The following CTNNAL1 variants were observed in gnomAD, a reference collection of about 807,000 sequenced individuals.
CTNNAL1 encodes alpha-catulin.
CTNNAL1 carries 69 observed loss-of-function variants against 93.6 expected under a neutral mutation model. That is an observed-to-expected ratio of 0.74 (90% CI 0.61 to 0.90). The LOEUF is 0.90. CTNNAL1 is among the 40% of genes least tolerant of loss of function. CTNNAL1 has a pLI of 0.00. For synonymous variants in CTNNAL1, 286 were observed against 305.4 expected, an observed-to-expected ratio of 0.94 and a Z score of 0.66; for missense variants, 836 against 862.0, an observed-to-expected ratio of 0.97 and a Z score of 0.38.
chr9:108,971,956 C>T lies in CTNNAL1; in HGVS notation c.1347+719G>A, dbSNP rs535008410. The stretch of plus-strand genomic sequence containing the variant: ...TGCTCTCCTCCCTTCTCACATCTGC[C>T]TTTTGCCCTGGGAGACTGACTTATA... On this transcript the variant is annotated intron_variant, in intron 9 of 18. Coordinates refer to ENST00000325551, the MANE Select transcript of CTNNAL1 (RefSeq NM_003798.4). Among the ~76,000 whole-genome samples, 103 of 152,246 alleles carry T rather than the reference C, an allele frequency of 6.8e-4. 3 individuals carry two copies. In the South Asian group the frequency reaches 0.021, roughly 31 times the overall value.
intron 12 of CTNNAL1, among the ~76,000 whole-genome samples, chr9:108,954,755 A>G (rs1049752982): frequency 2.0e-5 from 3 of 152,194 alleles, no homozygotes; most frequent in African/African-American, 7.2e-5. Context: ...TCCCTTTTCA[A>G]AAAGTACACT....
intron 2 of CTNNAL1, 139 bp downstream of exon 2, chr9:108,998,928 G>T: frequency 2.0e-6 from 2 of 994,888 alleles, no homozygotes; most frequent in Non-Finnish European, 2.8e-6. Context: ...ATTCGCGGAA[G>T]CTAATCCAGG....
intron 1 of CTNNAL1, among the ~76,000 whole-genome samples, chr9:109,005,592 T>C (rs1300769841): frequency 6.6e-6 from 1 of 152,174 alleles, no homozygotes; most frequent in East Asian, 1.9e-4. Context: ...AACCAGAATG[T>C]GGACCCTCAC....
In CTNNAL1 at chr9:108,965,365, G is replaced by C; in HGVS notation, c.1591+13C>G. 2 of 1,407,960 alleles carry C rather than the reference G, an allele frequency of 1.4e-6. No homozygotes were observed. Among genetic ancestry groups the C allele is most frequent in the Non-Finnish European group, 1.9e-6 (2 of 1,069,896 alleles). The allele number at this position is 1,407,960 out of a possible 1,614,324, so 87.2% of individuals were successfully genotyped here. A position where few individuals can be genotyped will look rare whatever the true frequency, so the allele number is the denominator to read the frequency against. On this transcript the variant is annotated intron_variant, in intron 11 of 18. Transcript: ENST00000325551. ...AAATAATAACATATTTCATTATGTGGACAGTTTCTCACCTCGTCTTCCTTC... is the reference window on the plus strand; with the variant it reads ...AAATAATAACATATTTCATTATGTGCACAGTTTCTCACCTCGTCTTCCTTC...
intron 8 of CTNNAL1, among the ~76,000 whole-genome samples, chr9:108,976,054 G>C (rs531322571): frequency 6.6e-6 from 1 of 152,312 alleles, no homozygotes; most frequent in East Asian, 1.9e-4. Context: ...TAAAGATACT[G>C]TTCAGTGAGT....
chr9:108,968,713 T>C (rs1831025730), intron 10 of CTNNAL1, among the ~76,000 whole-genome samples: 2 of 152,140 alleles, frequency 1.3e-5, no homozygotes. Context: ...CAGGAGAGCA[T>C]GAGATCATCC....
At chr9:108,959,349 A>G (rs1490563681) in intron 11 of CTNNAL1, among the ~76,000 whole-genome samples, 3 of 131,072 alleles carry the variant, frequency 2.3e-5, no homozygotes, top group Non-Finnish European at 4.7e-5. Flanking sequence ...TGGGTGACAG[A>G]GCGAGACTCC....
At chr9:108,995,098 T>C (rs929396026) in intron 2 of CTNNAL1, among the ~76,000 whole-genome samples, 18 of 152,144 alleles carry the variant, frequency 1.2e-4, no homozygotes, top group African/African-American at 4.1e-4. Context: ...AAAACTGACA[T>C]AGTAAATGTT....
At chr9:108,961,978 G>C (rs1395433031) in intron 11 of CTNNAL1, among the ~76,000 whole-genome samples, 1 of 152,200 alleles carries the variant, frequency 6.6e-6, no homozygotes, top group African/African-American at 2.4e-5. Context: ...ATTTTTCACA[G>C]AATTGGTTCA....
At chr9:109,010,403 T>G (rs1287641856) in intron 1 of CTNNAL1, among the ~76,000 whole-genome samples, 4 of 152,208 alleles carry the variant, frequency 2.6e-5, no homozygotes, top group Non-Finnish European at 2.9e-5. Context: ...CATATTACAC[T>G]GGCTAGAATT....
chr9:109,000,375 C>G (rs1826757907), intron 1 of CTNNAL1, among the ~76,000 whole-genome samples: 1 of 152,176 alleles, frequency 6.6e-6, no homozygotes, highest in South Asian at 2.1e-4. Flanking sequence ...TGCACACTAT[C>G]ATATCCCAAA....
At chr9:109,003,297 A>T (rs1251733815) in intron 1 of CTNNAL1, among the ~76,000 whole-genome samples, 3 of 152,248 alleles carry the variant, frequency 2.0e-5, no homozygotes, top group African/African-American at 7.2e-5. Flanking sequence ...GAATGAATTC[A>T]ATATGACTCA....
chr9:108,942,826 C>T lies in CTNNAL1; in HGVS notation c.2148G>A (p.Met716Ile), dbSNP rs1830282715. 7 of 1,613,626 alleles carry T rather than the reference C, an allele frequency of 4.3e-6. No homozygotes were observed. The highest frequency in any genetic ancestry group is 5.9e-6 in the Non-Finnish European group (7 of 1,179,826). ...LCYKLLKKLQ[M>I]ENNGWVSVTN... The stretch of plus-strand genomic sequence containing the variant: ...TAACTGAGACCCATCCGTTATTTTC[C>T]ATCTGAAGCTGGAAAGAGTTAAGAC... The change falls in exon 19 of 19, where the codon ATG becomes ATA. Residue 716 changes from methionine to isoleucine, a missense_variant. By Grantham distance (10) the Met-to-Ile change is conservative (BLOSUM62 1). Transcript: ENST00000325551.
rs147019483 is a variant in CTNNAL1, at chr9:108,945,076, T to G, written c.1885-1058A>C. ...AAACCCCTTGGGGACAAAATCCATG[T>G]CTGTCTCATACAGTATGATGGTTTT... is the stretch of plus-strand genomic sequence containing the variant. On this transcript the variant is annotated intron_variant, in intron 15 of 18. Transcript: ENST00000325551. Among the ~76,000 whole-genome samples, 3 of 152,348 alleles carry G rather than the reference T, an allele frequency of 2.0e-5. No individual in the cohort carries two copies. The East Asian group carries it at 5.8e-4, about 29-fold the overall frequency.
intron 14 of CTNNAL1, among the ~76,000 whole-genome samples, chr9:108,948,979 C>T (rs1830480773): frequency 6.6e-6 from 1 of 151,594 alleles, no homozygotes; most frequent in African/African-American, 2.4e-5. Flanking sequence ...AAGCAAAAAC[C>T]ACATTAAAAA....
chr9:108,980,190 G>A (rs1300795193), intron 6 of CTNNAL1, among the ~76,000 whole-genome samples: 6 of 152,218 alleles, frequency 3.9e-5, no homozygotes, highest in Admixed American at 1.3e-4. Flanking sequence ...TTCTCTAACA[G>A]TCTATCTCAC....
intron 18 of CTNNAL1, 55 bp from the exon 19 acceptor site, chr9:108,942,889 A>C: frequency 1.2e-6 from 2 of 1,610,480 alleles, no homozygotes; most frequent in Non-Finnish European, 1.7e-6. Flanking sequence ...AAAAATTACA[A>C]AATTAAGTAG....
At chr9:108,997,379 C>T (rs1832062241) in intron 2 of CTNNAL1, among the ~76,000 whole-genome samples, 1 of 152,220 alleles carries the variant, frequency 6.6e-6, no homozygotes, top group South Asian at 2.1e-4. Context: ...AGGCTGTCCT[C>T]ATTCGTTCAC....
chr9:109,005,234 C>T (rs1035859844), intron 1 of CTNNAL1, among the ~76,000 whole-genome samples: 12 of 151,920 alleles, frequency 7.9e-5, no homozygotes, highest in African/African-American at 2.9e-4. Context: ...CCACACCTGA[C>T]AGACTCTAGG....
Sources: gnomAD v4.1 joint callset for allele counts (sites outside exome capture counted in the v4.1 genomes callset) on GRCh38, gnomAD v4.1.1 for gene constraint, MANE v1.5 for transcripts, NCBI Gene and HGNC (gene_info 2026-07-23, HGNC 2026-07-21) for gene names.